Variants in PARD3B observed in about 807,000 individuals in gnomAD.
The protein encoded by PARD3B is partitioning defective 3 homolog B.
In PARD3B, 103 loss-of-function variants were observed where a neutral mutation model predicts 130.2. That is an observed-to-expected ratio of 0.79 (90% CI 0.67 to 0.93). PARD3B has a LOEUF of 0.93. PARD3B is among the 40% of genes least tolerant of loss of function. The probability of loss-of-function intolerance (pLI) is 0.00; values close to 1 mark genes in which losing one functional copy is unlikely to be tolerated. For missense variants in PARD3B, 1,609 were observed against 1,499.2 expected, an observed-to-expected ratio of 1.07 and a Z score of -1.21; for synonymous variants, 583 against 553.2, an observed-to-expected ratio of 1.05 and a Z score of -0.76.
intron 3 of PARD3B, among the ~76,000 whole-genome samples, chr2:205,012,347 T>A (rs1401076587): frequency 6.6e-6 from 1 of 152,212 alleles, no homozygotes; most frequent in East Asian, 1.9e-4. Context: ...ATTTTTCTGC[T>A]TGTATAATTT....
chr2:205,571,015 A>G (rs1292822427), intron 22 of PARD3B, among the ~76,000 whole-genome samples: 3 of 152,226 alleles, frequency 2.0e-5, no homozygotes, highest in South Asian at 2.1e-4. Flanking sequence ...TCCATTTTCT[A>G]TATGTAGGAT....
At chr2:204,712,036 A>C (rs1312007116) in intron 2 of PARD3B, among the ~76,000 whole-genome samples, 1 of 152,210 alleles carries the variant, frequency 6.6e-6, no homozygotes, top group East Asian at 1.9e-4. Flanking sequence ...GTTTGGTAGG[A>C]AAATCAATAC....
chr2:204,582,245 A>T (rs562038996), intron 1 of PARD3B, among the ~76,000 whole-genome samples: 3 of 152,272 alleles, frequency 2.0e-5, no homozygotes, highest in Non-Finnish European at 4.4e-5. Context: ...TCCAAAGTTT[A>T]ATTTTCATAA....
intron 2 of PARD3B, among the ~76,000 whole-genome samples, chr2:204,889,076 G>A (rs2046361531): frequency 6.6e-6 from 1 of 152,146 alleles, no homozygotes; most frequent in African/African-American, 2.4e-5. Flanking sequence ...TGCTTCTGGT[G>A]TTGTTCTCTC....
chr2:205,228,388 A>G (rs182222785), intron 15 of PARD3B, among the ~76,000 whole-genome samples: 130 of 152,274 alleles, frequency 8.5e-4, no homozygotes, highest in Non-Finnish European at 1.5e-3. Context: ...TAGAATAAAA[A>G]GCGTTCTTTT....
intron 4 of PARD3B, among the ~76,000 whole-genome samples, chr2:205,054,403 T>TA (rs1390967767): frequency 0.085 from 3,789 of 44,610 alleles, 437 homozygotes; most frequent in Non-Finnish European, 0.13. Flanking sequence ...TGACATGTCT[T>TA]TTATATATAT....
chr2:205,594,200 G>A (rs544517657), intron 22 of PARD3B, among the ~76,000 whole-genome samples: 8 of 152,326 alleles, frequency 5.3e-5, no homozygotes, highest in Non-Finnish European at 8.8e-5. Context: ...GCCTGAGAAA[G>A]TAAAGTGACT....
intron 2 of PARD3B, among the ~76,000 whole-genome samples, chr2:204,902,446 G>A (rs1017985222): frequency 3.9e-5 from 6 of 152,072 alleles, no homozygotes; most frequent in African/African-American, 1.4e-4. Flanking sequence ...GAAGCGGGCG[G>A]ATCACGAGGT....
intron 3 of PARD3B, among the ~76,000 whole-genome samples, chr2:204,969,302 G>A (rs183292613): frequency 7.9e-5 from 12 of 152,280 alleles, no homozygotes; most frequent in East Asian, 5.8e-4. Flanking sequence ...TTTATTGAGC[G>A]CTTAAGTTCT....
intron 19 of PARD3B, among the ~76,000 whole-genome samples, chr2:205,420,901 G>C: frequency 6.6e-6 from 1 of 152,160 alleles, no homozygotes. Flanking sequence ...CCATCACTTT[G>C]AGAGGCCCAG....
chr2:205,260,572 G>A (rs1343472137), intron 16 of PARD3B, among the ~76,000 whole-genome samples: 1 of 152,118 alleles, frequency 6.6e-6, no homozygotes, highest in Non-Finnish European at 1.5e-5. Context: ...CTTTTCTTCA[G>A]AGAGGATTTA....
chr2:205,558,400 G>T lies in PARD3B; in HGVS notation c.3260+4997G>T, dbSNP rs1424919898. The stretch of plus-strand genomic sequence containing the variant: ...ACTCCTATTATCTCAGGACCGGGCA[G>T]TGCTGAACATGCAACTACCAGACTT... On this transcript the variant is annotated intron_variant, in intron 22 of 22. Coordinates refer to ENST00000406610, the MANE Select transcript of PARD3B (RefSeq NM_001302769.2). The surrounding 1 kb of genome is among the most constrained non-coding windows in gnomAD (Gnocchi z 4.8). 3.3e-5 allele frequency among the ~76,000 whole-genome samples: 5 copies of T among 152,178 alleles called. No individual in the cohort carries two copies. The highest frequency in any genetic ancestry group is 1.5e-5 in the Non-Finnish European group (1 of 68,032).
chr2:205,612,234 C>T (rs1222881300), intron 22 of PARD3B, among the ~76,000 whole-genome samples: 1 of 152,098 alleles, frequency 6.6e-6, no homozygotes, highest in Admixed American at 6.5e-5. Flanking sequence ...CTCACTGCAA[C>T]CTCTGCCTAC....
At chr2:205,293,635 T>C (rs1285853730) in intron 16 of PARD3B, 1 of 152,144 alleles carries the variant, frequency 6.6e-6, no homozygotes, top group African/African-American at 2.4e-5. Context: ...TGAATAATTA[T>C]GGGTAGGGCA....
chr2:205,245,912 A>C (rs534572720), intron 16 of PARD3B, 90 bp downstream of exon 16: 418 of 1,044,108 alleles, frequency 4.0e-4, no homozygotes, highest in Middle Eastern at 6.1e-4. Flanking sequence ...TCTATCCACT[A>C]GTCACTGAAA....
chr2:205,056,367 A>G (rs1057175900), intron 4 of PARD3B, among the ~76,000 whole-genome samples: 8 of 152,086 alleles, frequency 5.3e-5, no homozygotes, highest in African/African-American at 1.9e-4. Context: ...ACTTTAAAAT[A>G]GAATTCCCAT....
At chr2:205,057,822 C>T (rs1406254647) in intron 4 of PARD3B, among the ~76,000 whole-genome samples, 4 of 150,408 alleles carry the variant, frequency 2.7e-5, no homozygotes, top group Admixed American at 1.3e-4. Flanking sequence ...GCCTTGAAAC[C>T]CTTGATCATT....
At chr2:204,569,856 T>G (rs1456609449) in intron 1 of PARD3B, among the ~76,000 whole-genome samples, 1 of 152,172 alleles carries the variant, frequency 6.6e-6, no homozygotes, top group Non-Finnish European at 1.5e-5. Flanking sequence ...TCATTGCACA[T>G]TGGGCCACTT....
rs1222907665 is a variant in PARD3B at position 204,656,508 on chromosome 2, CTATTT to C, written c.121-29670_121-29666del. The stretch of plus-strand genomic sequence containing the variant: ...GTCTTAAAGTTTAGGGGTAAGGAGA[CTATTT>C]TAGGCCAATTCCTTATAAATTAAGA... On this transcript the variant is annotated intron_variant, in intron 1 of 22. Coordinates refer to ENST00000406610, the MANE Select transcript of PARD3B (RefSeq NM_001302769.2). 2.0e-5 allele frequency among the ~76,000 whole-genome samples: 3 copies of C among 152,242 alleles called. No homozygotes were observed. In the East Asian group the frequency reaches 5.8e-4, roughly 29 times the overall value.
Sources: gnomAD v4.1 joint callset for allele counts (sites outside exome capture counted in the v4.1 genomes callset) on GRCh38, gnomAD v4.1.1 for gene constraint, Gnocchi (gnomAD v3.1) non-coding constraint, MANE v1.5 for transcripts, NCBI Gene and HGNC (gene_info 2026-07-23, HGNC 2026-07-21) for gene names.